The following LPP variants were observed in gnomAD, a reference collection of about 807,000 sequenced individuals.
The protein encoded by LPP is LIM domain containing preferred translocation partner in lipoma, also known as lipoma-preferred partner.
A neutral mutation model predicts 60.4 loss-of-function variants in LPP; 38 were observed. That is an observed-to-expected ratio of 0.63 (90% confidence interval 0.49 to 0.83). LPP has a LOEUF of 0.83. Among genes scored for constraint, LPP ranks in the 40% least tolerant of loss-of-function variants. The pLI is 0.00. For synonymous variants in LPP, 328 were observed against 290.8 expected (o/e 1.13, Z -1.30); for missense variants, 902 against 783.6 (o/e 1.15, Z -1.80).
chr3:188,692,621 G>A (rs1243966812), intron 7 of LPP, among the ~76,000 whole-genome samples: 2 of 152,150 alleles, frequency 1.3e-5, no homozygotes, highest in African/African-American at 4.8e-5. Flanking sequence ...CGGATTGATG[G>A]ACATTTTTGT....
intron 9 of LPP, among the ~76,000 whole-genome samples, chr3:188,783,790 T>C (rs376072652): frequency 5.9e-5 from 9 of 152,214 alleles, no homozygotes; most frequent in African/African-American, 1.7e-4. Context: ...CCCTATCCCT[T>C]CATAGACTAG....
At chr3:188,858,232 C>T (rs1224518975) in intron 9 of LPP, among the ~76,000 whole-genome samples, 1 of 152,116 alleles carries the variant, frequency 6.6e-6, no homozygotes, top group Non-Finnish European at 1.5e-5. Context: ...AGGAAAGGAA[C>T]TCAATTCTTT....
At chr3:188,386,262 GCGCA>G (rs1409875374) in intron 3 of LPP, among the ~76,000 whole-genome samples, 3,039 of 69,454 alleles carry the variant, frequency 0.044, 104 homozygotes, top group African/African-American at 0.13. Flanking sequence ...CATAGCATGC[GCGCA>G]CACACACACA....
chr3:188,824,928 A>C (rs1754976867), intron 9 of LPP, among the ~76,000 whole-genome samples: 1 of 152,106 alleles, frequency 6.6e-6, no homozygotes, highest in South Asian at 2.1e-4. Context: ...TGGTGCTGGG[A>C]ATGACGAATG....
intron 5 of LPP, among the ~76,000 whole-genome samples, chr3:188,516,135 C>T (rs985722833): frequency 4.6e-5 from 7 of 152,120 alleles, no homozygotes; most frequent in Non-Finnish European, 5.9e-5. Flanking sequence ...TGTAAGTCCT[C>T]CTCCCCTGGA....
chr3:188,273,914 G>T (rs941350692), intron 2 of LPP, among the ~76,000 whole-genome samples: 9 of 152,014 alleles, frequency 5.9e-5, no homozygotes, highest in Non-Finnish European at 1.2e-4. Flanking sequence ...ATATCTTATA[G>T]TAAAGGATGG....
chr3:188,334,204 AT>A (rs1050370957), intron 2 of LPP, among the ~76,000 whole-genome samples: 4 of 152,042 alleles, frequency 2.6e-5, no homozygotes, highest in East Asian at 1.9e-4. Flanking sequence ...GATTTCATTC[AT>A]TTTTTTATGG....
chr3:188,229,330 G>A (rs1298723439), intron 2 of LPP, among the ~76,000 whole-genome samples: 1 of 152,144 alleles, frequency 6.6e-6, no homozygotes, highest in Non-Finnish European at 1.5e-5. Context: ...GAGTCAGGAA[G>A]GAAATTATTT....
chr3:188,395,876 T>A (rs1780826406), intron 3 of LPP, among the ~76,000 whole-genome samples: 1 of 152,090 alleles, frequency 6.6e-6, no homozygotes. Flanking sequence ...ATGGTACCAC[T>A]GCACTACAGC....
At chr3:188,646,858 A>G (rs1050882184) in intron 7 of LPP, among the ~76,000 whole-genome samples, 3 of 152,202 alleles carry the variant, frequency 2.0e-5, no homozygotes, top group African/African-American at 7.2e-5. Context: ...AAAAGGAACA[A>G]ACAAATACAG....
intron 2 of LPP, among the ~76,000 whole-genome samples, chr3:188,333,012 A>AT (rs35994129): frequency 0.12 from 17,491 of 151,074 alleles, 1,665 homozygotes; most frequent in East Asian, 0.31. Context: ...GTGTGGTGAC[A>AT]TTATAGGCTC....
At chr3:188,557,527 G>A (rs1383538576) in intron 6 of LPP, among the ~76,000 whole-genome samples, 1 of 152,108 alleles carries the variant, frequency 6.6e-6, no homozygotes. Flanking sequence ...TTGTAGTCTG[G>A]ATGGTAAAAG....
At chr3:188,634,659 C>A in intron 7 of LPP, among the ~76,000 whole-genome samples, 1 of 152,244 alleles carries the variant, frequency 6.6e-6, no homozygotes, top group East Asian at 1.9e-4. Flanking sequence ...ACTGCACATG[C>A]GAGGGATATA....
At chr3:188,708,510 G>A in intron 8 of LPP, 117 bp downstream of exon 8, 1 of 1,340,274 alleles carries the variant, frequency 7.5e-7, no homozygotes, top group African/African-American at 1.4e-5. Flanking sequence ...ATGCATGAGA[G>A]TTGATATACA....
At chr3:188,801,140 C>G (rs912939756) in intron 9 of LPP, among the ~76,000 whole-genome samples, 2 of 152,170 alleles carry the variant, frequency 1.3e-5, no homozygotes, top group East Asian at 3.9e-4. Flanking sequence ...CAAAGGTTCC[C>G]GGGGCTAAAC....
At chr3:188,805,636 G>T (rs888810776) in intron 9 of LPP, among the ~76,000 whole-genome samples, 20 of 151,332 alleles carry the variant, frequency 1.3e-4, no homozygotes, top group African/African-American at 4.4e-4. Flanking sequence ...CTTTTGCTTG[G>T]CTTGGGTTAA....
intron 7 of LPP, among the ~76,000 whole-genome samples, chr3:188,641,330 A>G (rs1371822522): frequency 6.6e-6 from 1 of 152,196 alleles, no homozygotes; most frequent in Non-Finnish European, 1.5e-5. Flanking sequence ...AGAGAAGAGG[A>G]CACATGCATA....
intron 2 of LPP, among the ~76,000 whole-genome samples, chr3:188,251,067 CTT>C (rs1227983467): frequency 7.6e-6 from 1 of 132,126 alleles, no homozygotes; most frequent in African/African-American, 2.9e-5. Flanking sequence ...CTCTCTCTGT[CTT>C]TTTCTTTCTT....
At chr3:188,357,766 A>G (rs1243818780) in intron 3 of LPP, among the ~76,000 whole-genome samples, 3 of 152,182 alleles carry the variant, frequency 2.0e-5, no homozygotes, top group Non-Finnish European at 4.4e-5. Context: ...ATAATAAATC[A>G]TTTGGCTGGA....
Sources: gnomAD v4.1 joint callset for allele counts (sites outside exome capture counted in the v4.1 genomes callset) on GRCh38, gnomAD v4.1.1 for gene constraint, MANE v1.5 for transcripts, NCBI Gene and HGNC (gene_info 2026-07-23, HGNC 2026-07-21) for gene names.